The following CACNA1B variants were observed in gnomAD, a reference collection of about 807,000 sequenced individuals.
CACNA1B encodes voltage-dependent N-type calcium channel subunit alpha-1B.
Under a neutral mutation model 247.2 loss-of-function variants are expected in CACNA1B, and 70 were observed. That is an observed-to-expected ratio of 0.28 (90% CI 0.23 to 0.35). CACNA1B has a LOEUF of 0.35. Among genes scored for constraint, CACNA1B ranks in the 10% least tolerant of loss-of-function variants. The pLI is 1.00. For missense variants in CACNA1B, 2,367 were observed against 3,197.4 expected, an observed-to-expected ratio of 0.74 and a Z score of 6.26; for synonymous variants, 1,231 against 1,294.4, an observed-to-expected ratio of 0.95 and a Z score of 1.05.
chr9:138,031,473 T>C (rs542927727), intron 20 of CACNA1B, among the ~76,000 whole-genome samples: 2 of 152,324 alleles, frequency 1.3e-5, no homozygotes, highest in African/African-American at 2.4e-5. Context: ...GAAGGGAACA[T>C]GCATTCTGTG....
chr9:137,956,653 CAAAA>C (rs879084940), intron 8 of CACNA1B, 114 bp from the exon 9 acceptor site: 1,561 of 497,986 alleles, frequency 3.1e-3, no homozygotes, highest in South Asian at 4.5e-3. Flanking sequence ...GACTCCATCT[CAAAA>C]AAAAAAAAAA....
intron 36 of CACNA1B, among the ~76,000 whole-genome samples, chr9:138,092,044 G>A (rs1458213621): frequency 6.6e-6 from 1 of 152,190 alleles, no homozygotes; most frequent in Non-Finnish European, 1.5e-5. Flanking sequence ...AAGAGCACAT[G>A]CTTCAAAGGG....
rs1378715148 is a variant in CACNA1B, at chr9:137,880,726, C to T, written c.390+1567C>T. Among the ~76,000 whole-genome samples, 2 of 152,134 alleles carry T rather than the reference C, an allele frequency of 1.3e-5. No individual in the cohort carries two copies. The highest frequency in any genetic ancestry group is 2.9e-5 in the Non-Finnish European group (2 of 68,014). On this transcript the variant is annotated intron_variant, in intron 2 of 46. Coordinates refer to ENST00000371372, the MANE Select transcript of CACNA1B (RefSeq NM_000718.4). This position sits in a 1 kb window ranked among gnomAD's most constrained non-coding sequence, Gnocchi z 4.8. Reference sequence around the variant, plus strand: ...GAGGTCTGGGGAGCTCTTGACCAGTCCCAGTCCCATGTGCAGGCCCAGCCA... The same window carrying T: ...GAGGTCTGGGGAGCTCTTGACCAGTTCCAGTCCCATGTGCAGGCCCAGCCA...
intron 23 of CACNA1B, 34 bp from the exon 24 acceptor site, chr9:138,049,175 T>C (rs1054362968): frequency 3.6e-6 from 5 of 1,377,006 alleles, no homozygotes; most frequent in Non-Finnish European, 5.2e-6. Flanking sequence ...TTTTCTGGAC[T>C]ATGACGTATC....
chr9:137,901,988 G>T (rs914198225), intron 3 of CACNA1B, among the ~76,000 whole-genome samples: 1 of 152,116 alleles, frequency 6.6e-6, no homozygotes, highest in Admixed American at 6.5e-5. Flanking sequence ...ACTGCATCTG[G>T]CCTAAATCAT....
chr9:137,906,336 A>G lies in CACNA1B; in HGVS notation c.531-6844A>G, dbSNP rs368248130. Among the ~76,000 whole-genome samples the G allele has an allele frequency of 3.4e-4, 52 of 152,276 alleles. No homozygotes were observed. In the East Asian group the frequency reaches 6.7e-3, roughly 20 times the overall value. On this transcript the variant is annotated intron_variant, in intron 3 of 46. Transcript: ENST00000371372. ...CGTCCTGGTGCCTGGGAGACAGAAA[A>G]GCTATAAGGTGAAGGGAGGGAGAAA...
At chr9:137,965,498 TAGTG>T (rs1460449536) in intron 10 of CACNA1B, among the ~76,000 whole-genome samples, 5 of 152,248 alleles carry the variant, frequency 3.3e-5, no homozygotes, top group African/African-American at 4.8e-5. Context: ...CTGGACAACA[TAGTG>T]AGATCCCACC....
intron 20 of CACNA1B, among the ~76,000 whole-genome samples, chr9:138,033,287 A>G (rs1423642795): frequency 3.3e-5 from 5 of 151,558 alleles, no homozygotes; most frequent in African/African-American, 7.3e-5. Flanking sequence ...ATAATTTTAT[A>G]TTTTTCATTT....
chr9:137,894,403 C>T (rs1957148093), intron 3 of CACNA1B, among the ~76,000 whole-genome samples: 1 of 143,388 alleles, frequency 7.0e-6, no homozygotes, highest in Non-Finnish European at 1.5e-5. Context: ...ATGTGGTTCT[C>T]TGCCATCTGC....
rs1275167356 is a variant in CACNA1B, at chr9:137,889,209, C to T, written c.530+6326C>T. Among the ~76,000 whole-genome samples, 3 of 150,346 alleles carry T rather than the reference C, an allele frequency of 2.0e-5. 1 individual carries two copies. The highest frequency in any genetic ancestry group is 3.9e-4 in the East Asian group (2 of 5,190). On this transcript the variant is annotated intron_variant, in intron 3 of 46. Coordinates refer to ENST00000371372, the MANE Select transcript of CACNA1B (RefSeq NM_000718.4). ...GAGCATGGACCGAGCTGGGTGTGTC[C>T]GTGCTGTGACGGAACTCTTCTGCCA...
At chr9:137,923,576 G>T (rs1474499710) in intron 6 of CACNA1B, among the ~76,000 whole-genome samples, 1 of 152,220 alleles carries the variant, frequency 6.6e-6, no homozygotes, top group East Asian at 1.9e-4. Context: ...CCGTTCACCT[G>T]TGGAAGCTTC....
rs202091894 is a variant in CACNA1B at position 138,102,824 on chromosome 9, C to A, written c.5319+17C>A. On this transcript the variant is annotated intron_variant, in intron 38 of 46. Coordinates refer to ENST00000371372, the MANE Select transcript of CACNA1B (RefSeq NM_000718.4). The surrounding 1 kb of genome is among the most constrained non-coding windows in gnomAD (Gnocchi z 5.4). The stretch of plus-strand genomic sequence containing the variant: ...GCTTACAAGGTAGACCCTGACCCTG[C>A]AACCCGCCCCCCAGGAGGCTGTGTG... The A allele has an allele frequency of 2.0e-5, 31 of 1,525,182 alleles. 1 individual carries two copies. The South Asian group carries it at 3.1e-4, about 15-fold the overall frequency. 94.5% of individuals were successfully genotyped at this position (1,525,182 alleles called of 1,614,324 possible). A position where few individuals can be genotyped will look rare whatever the true frequency, so the allele number is the denominator to read the frequency against.
chr9:138,046,297 G>A (rs537885482), intron 21 of CACNA1B, among the ~76,000 whole-genome samples: 15 of 152,234 alleles, frequency 9.9e-5, no homozygotes, highest in South Asian at 2.1e-4. Flanking sequence ...AGGCGAGCAC[G>A]TGGCAGTGTG....
In CACNA1B at chr9:137,995,284, C is replaced by T. The variant is rs144741662; in HGVS notation, c.1974+8430C>T. 8.6e-5 allele frequency among the ~76,000 whole-genome samples: 13 copies of T among 150,798 alleles called. No homozygotes were observed. The South Asian group carries it at 1.5e-3, about 17-fold the overall frequency. On this transcript the variant is annotated intron_variant, in intron 15 of 46. Coordinates refer to ENST00000371372, the MANE Select transcript of CACNA1B (RefSeq NM_000718.4). ...CATCACATTACCCAACTTCAAACTA[C>T]GATATAAGGTCATAGTCACCAAAAC...
chr9:137,971,346 T>C lies in CACNA1B; in HGVS notation c.1334-37T>C. 6.6e-7 allele frequency: 1 copy of C among 1,510,414 alleles called. No individual in the cohort carries two copies. The highest frequency in any genetic ancestry group is 9.1e-7 in the Non-Finnish European group (1 of 1,100,546). 93.6% of individuals were successfully genotyped at this position (1,510,414 alleles called of 1,614,324 possible). A position where few individuals can be genotyped will look rare whatever the true frequency, so the allele number is the denominator to read the frequency against. ...ACAGGTGGGGTAGGCGGGTGCCCAT[T>C]GGTCCCCACATCCTCAGTAACTCCC... On this transcript the variant is annotated intron_variant, in intron 10 of 46. Transcript: ENST00000371372. This position sits in a 1 kb window ranked among gnomAD's most constrained non-coding sequence, Gnocchi z 4.4.
rs555503786 is a variant in CACNA1B at position 138,093,766 on chromosome 9, A to AATAAATTAAT, written c.5095-2718_5095-2717insATAAATTAAT. Among the ~76,000 whole-genome samples, 36 of 152,188 alleles carry AATAAATTAAT rather than the reference A, an allele frequency of 2.4e-4. No individual in the cohort carries two copies. The East Asian group carries it at 6.0e-3, about 25-fold the overall frequency. Reference sequence around the variant, plus strand: ...AAAAAAAAACTAATAAATTAATTAAATTAATTAATAAATATTGGCAAAAAT... The same window carrying AATAAATTAAT: ...AAAAAAAAACTAATAAATTAATTAAAATAAATTAATTTAATTAATAAATATTGGCAAAAAT... On this transcript the variant is annotated intron_variant, in intron 36 of 46. Transcript: ENST00000371372.
intron 44 of CACNA1B, 75 bp from the exon 45 acceptor site, chr9:138,120,090 C>A: frequency 7.0e-6 from 9 of 1,284,564 alleles, no homozygotes; most frequent in Non-Finnish European, 9.7e-6. Context: ...GCCTGCTCCA[C>A]CACCCACTTC....
At chr9:137,999,833 TAGA>T (rs1344013392) in intron 15 of CACNA1B, among the ~76,000 whole-genome samples, 1 of 152,074 alleles carries the variant, frequency 6.6e-6, no homozygotes, top group Non-Finnish European at 1.5e-5. Context: ...ATGAAAAATC[TAGA>T]AGAAGGAATA....
At chr9:138,041,500 T>C (rs1406922660) in intron 20 of CACNA1B, among the ~76,000 whole-genome samples, 1 of 70,748 alleles carries the variant, frequency 1.4e-5, no homozygotes, top group Non-Finnish European at 2.3e-5. Flanking sequence ...GCCTTTCTCC[T>C]AGCCTTTCTC....
Sources: allele counts gnomAD v4.1 joint callset (sites outside exome capture counted in the v4.1 genomes callset), GRCh38; gene constraint gnomAD v4.1.1; non-coding constraint Gnocchi (gnomAD v3.1); transcripts MANE v1.5; gene names NCBI Gene and HGNC (gene_info 2026-07-23, HGNC 2026-07-21).